Variants in ST6GALNAC5 observed in about 807,000 individuals in gnomAD.
ST6GALNAC5 encodes ST6 N-acetylgalactosaminide alpha-2,6-sialyltransferase 5, also known as alpha-N-acetylgalactosaminide alpha-2,6-sialyltransferase 5.
A neutral mutation model predicts 33.6 loss-of-function variants in ST6GALNAC5; 27 were observed. The ratio of observed to expected loss-of-function variants is 0.80; its 90% CI spans 0.59 to 1.11. The LOEUF is 1.11. Ranked by LOEUF, ST6GALNAC5 falls within the 50% of genes least tolerant of loss-of-function variation. The probability of loss-of-function intolerance (pLI) is 0.00; values close to 1 mark genes in which losing one functional copy is unlikely to be tolerated. For synonymous variants in ST6GALNAC5, 194 were observed against 171.2 expected, an observed-to-expected ratio of 1.13 and a Z score of -1.04; for missense variants, 428 against 454.0, an observed-to-expected ratio of 0.94 and a Z score of 0.52.
At chr1:76,929,336 T>A (rs183317295) in intron 2 of ST6GALNAC5, among the ~76,000 whole-genome samples, 5 of 152,236 alleles carry the variant, frequency 3.3e-5, no homozygotes, top group Admixed American at 1.3e-4. Flanking sequence ...AGCCTAGAAG[T>A]TGGAGACCAA....
intron 2 of ST6GALNAC5, among the ~76,000 whole-genome samples, chr1:76,990,692 A>G (rs893515961): frequency 3.9e-5 from 6 of 152,182 alleles, no homozygotes; most frequent in African/African-American, 9.6e-5. Flanking sequence ...TCACTGACAA[A>G]TAACGAATTA....
At chr1:77,048,217 A>G (rs772329267) in intron 3 of ST6GALNAC5, among the ~76,000 whole-genome samples, 5 of 152,206 alleles carry the variant, frequency 3.3e-5, no homozygotes, top group Non-Finnish European at 7.3e-5. Flanking sequence ...AAACAGAACC[A>G]GAGTTATGGG....
At chr1:76,951,005 T>C (rs1448747059) in intron 2 of ST6GALNAC5, among the ~76,000 whole-genome samples, 1 of 152,068 alleles carries the variant, frequency 6.6e-6, no homozygotes, top group East Asian at 1.9e-4. Context: ...GAAAAGCCAT[T>C]AGAAAACTTG....
At chr1:76,880,676 T>C (rs1386219074) in intron 2 of ST6GALNAC5, among the ~76,000 whole-genome samples, 2 of 152,170 alleles carry the variant, frequency 1.3e-5, no homozygotes, top group Admixed American at 1.3e-4. Flanking sequence ...GCTGATTAGA[T>C]TGTGCCCATC....
intron 2 of ST6GALNAC5, among the ~76,000 whole-genome samples, chr1:77,016,992 G>A (rs1365725645): frequency 6.6e-6 from 1 of 152,024 alleles, no homozygotes; most frequent in African/African-American, 2.4e-5. Context: ...CATGAATGGT[G>A]CATTATGTGC....
chr1:76,869,359 A>G (rs1653444088), intron 2 of ST6GALNAC5, among the ~76,000 whole-genome samples: 1 of 152,150 alleles, frequency 6.6e-6, no homozygotes, highest in Non-Finnish European at 1.5e-5. Flanking sequence ...AAGCTGCTGC[A>G]TGGGGTGGCT....
At chr1:77,035,868 A>G (rs1220716799) in intron 2 of ST6GALNAC5, among the ~76,000 whole-genome samples, 1 of 152,238 alleles carries the variant, frequency 6.6e-6, no homozygotes, top group Non-Finnish European at 1.5e-5. Flanking sequence ...ATGTTAAACA[A>G]AATTGTCATA....
At chr1:76,984,579 T>C (rs370572896) in intron 2 of ST6GALNAC5, among the ~76,000 whole-genome samples, 2 of 152,072 alleles carry the variant, frequency 1.3e-5, no homozygotes, top group African/African-American at 4.8e-5. Context: ...CAAATTCTAT[T>C]AGAGGTACAA....
At chr1:76,962,964 T>C (rs2100352672) in intron 2 of ST6GALNAC5, among the ~76,000 whole-genome samples, 1 of 152,322 alleles carries the variant, frequency 6.6e-6, no homozygotes, top group African/African-American at 2.4e-5. Context: ...TATATTATAC[T>C]TCATATTGGT....
chr1:76,947,372 C>T (rs1454197222), intron 2 of ST6GALNAC5, among the ~76,000 whole-genome samples: 1 of 152,088 alleles, frequency 6.6e-6, no homozygotes, highest in East Asian at 1.9e-4. Flanking sequence ...GGAAGTTTAT[C>T]ATTCAAACCA....
intron 2 of ST6GALNAC5, among the ~76,000 whole-genome samples, chr1:77,039,053 A>G (rs181368361): frequency 2.0e-5 from 3 of 152,292 alleles, no homozygotes; most frequent in Admixed American, 2.0e-4. Context: ...ATAAAATGGT[A>G]AGATCTGAGT....
At chr1:76,918,696 T>G (rs573136238) in intron 2 of ST6GALNAC5, among the ~76,000 whole-genome samples, 2 of 151,940 alleles carry the variant, frequency 1.3e-5, no homozygotes, top group Non-Finnish European at 2.9e-5. Flanking sequence ...TCTCACTGCT[T>G]TGGAGTTTGC....
At chr1:76,911,831 C>G (rs1646916803) in intron 2 of ST6GALNAC5, among the ~76,000 whole-genome samples, 1 of 152,070 alleles carries the variant, frequency 6.6e-6, no homozygotes, top group African/African-American at 2.4e-5. Context: ...CTTTATTAGT[C>G]TTGCTAGCGG....
intron 2 of ST6GALNAC5, among the ~76,000 whole-genome samples, chr1:76,877,187 G>A (rs1208132067): frequency 6.6e-6 from 1 of 152,188 alleles, no homozygotes; most frequent in African/African-American, 2.4e-5. Flanking sequence ...GCAGATGGCA[G>A]GGCCTTGCTC....
chr1:76,976,000 CA>C (rs1233115811), intron 2 of ST6GALNAC5, among the ~76,000 whole-genome samples: 3 of 152,042 alleles, frequency 2.0e-5, no homozygotes, highest in Non-Finnish European at 2.9e-5. Context: ...GAGGCTGAGG[CA>C]CAAGAATAGC....
At chr1:77,026,971 A>G (rs1035817422) in intron 2 of ST6GALNAC5, among the ~76,000 whole-genome samples, 13 of 152,176 alleles carry the variant, frequency 8.5e-5, no homozygotes, top group African/African-American at 3.1e-4. Context: ...TCAGCAGTCC[A>G]AGAATGTTTT....
chr1:76,970,366 C>A (rs956830801), intron 2 of ST6GALNAC5, among the ~76,000 whole-genome samples: 5 of 151,746 alleles, frequency 3.3e-5, no homozygotes, highest in Non-Finnish European at 7.4e-5. Flanking sequence ...CTTAAATGAC[C>A]TGATGGAGCT....
chr1:76,911,195 G>A (rs1340247014), intron 2 of ST6GALNAC5, among the ~76,000 whole-genome samples: 1 of 152,164 alleles, frequency 6.6e-6, no homozygotes, highest in East Asian at 1.9e-4. Context: ...CATCTATTGA[G>A]ATAATCATGT....
In ST6GALNAC5 at chr1:76,982,150, A is replaced by G. The variant is rs181444083; in HGVS notation, c.262-62054A>G. Among the ~76,000 whole-genome samples the G allele has an allele frequency of 3.4e-3, 522 of 152,308 alleles. 10 individuals are homozygous for G. Among genetic ancestry groups the G allele is most frequent in the African/African-American group, 0.012 (503 of 41,574 alleles). ...CTCGCCAGCAATGGAACAAAGCTGG[A>G]TGGAGAATGACTTTGATGAGTTGAC... On this transcript the variant is annotated intron_variant, in intron 2 of 4. Transcript: ENST00000477717.
Sources: gnomAD v4.1 joint callset for allele counts (sites outside exome capture counted in the v4.1 genomes callset) on GRCh38, gnomAD v4.1.1 for gene constraint, MANE v1.5 for transcripts, NCBI Gene and HGNC (gene_info 2026-07-23, HGNC 2026-07-21) for gene names.